Variants in KDM4C observed in about 807,000 individuals in gnomAD.
KDM4C encodes the protein lysine-specific demethylase 4C.
Under a neutral mutation model 129.3 loss-of-function variants are expected in KDM4C, and 81 were observed. The observed-to-expected ratio is 0.63, with a 90% CI of 0.52 to 0.75. The LOEUF is 0.75. KDM4C is among the 30% of genes least tolerant of loss of function. The probability of loss-of-function intolerance (pLI) is 0.00; values close to 1 mark genes in which losing one functional copy is unlikely to be tolerated. For missense variants in KDM4C, 1,457 were observed against 1,304.0 expected, an observed-to-expected ratio of 1.12 and a Z score of -1.81; for synonymous variants, 573 against 456.1, an observed-to-expected ratio of 1.26 and a Z score of -3.26.
At chr9:7,052,864 A>AGAGAGAGAGAGAGAGAGG (rs1564049351) in intron 17 of KDM4C, among the ~76,000 whole-genome samples, 1 of 2,604 alleles carries the variant, frequency 3.8e-4, no homozygotes, top group Non-Finnish European at 8.7e-4. Context: ...CCACACCTGC[A>AGAGAGAGAGAGAGAGAGG]GAGAGAGAGA....
intron 17 of KDM4C, among the ~76,000 whole-genome samples, chr9:7,075,228 G>C (rs982333730): frequency 1.3e-5 from 2 of 152,130 alleles, no homozygotes; most frequent in East Asian, 1.9e-4. Context: ...AAAATGACTG[G>C]TAATCCATTC....
chr9:7,015,866 T>C lies in KDM4C; in HGVS notation c.2196T>C (p.Ile732=). 1 of 1,611,750 alleles carries C rather than the reference T, an allele frequency of 6.2e-7. No homozygotes were observed. The highest frequency in any genetic ancestry group is 1.7e-5 in the Admixed American group (1 of 59,998). The change falls in exon 15 of 22, where the codon ATT becomes ATC. Residue 732 remains isoleucine, a synonymous_variant. Transcript: ENST00000381309. ...CVRVHASCYG[I]PSHEICDGWL... ...ATTATTTTATAGGTTGTTATGGTAT[T>C]CCTTCTCATGAGATCTGTGATGGAT... is the stretch of plus-strand genomic sequence containing the variant.
intron 5 of KDM4C, among the ~76,000 whole-genome samples, chr9:6,866,023 G>C (rs1293684124): frequency 6.6e-6 from 1 of 152,064 alleles, no homozygotes; most frequent in Non-Finnish European, 1.5e-5. Context: ...AGAGTGCTGG[G>C]ATTCACCGTG....
At chr9:7,134,539 G>C (rs16925459) in intron 19 of KDM4C, among the ~76,000 whole-genome samples, 1 of 151,836 alleles carries the variant, frequency 6.6e-6, no homozygotes, top group Non-Finnish European at 1.5e-5. Context: ...ATTTTTCTAG[G>C]CATTTAATGC....
intron 7 of KDM4C, among the ~76,000 whole-genome samples, chr9:6,889,899 C>G (rs919489432): frequency 2.6e-5 from 4 of 152,200 alleles, no homozygotes; most frequent in Non-Finnish European, 5.9e-5. Flanking sequence ...CTGGCACCCT[C>G]TTTCTAGGCT....
At chr9:6,855,628 T>G (rs755856229) in intron 5 of KDM4C, among the ~76,000 whole-genome samples, 32 of 152,248 alleles carry the variant, frequency 2.1e-4, no homozygotes, top group Admixed American at 4.6e-4. Context: ...CTCCACTCTC[T>G]TCTATTCACC....
rs1284948210 is a variant in KDM4C, at chr9:6,758,063, G to T, written c.-158G>T. On this transcript the variant is annotated 5_prime_UTR_variant, in exon 1 of 22. Coordinates refer to ENST00000381309, the MANE Select transcript of KDM4C (RefSeq NM_015061.6). This position sits in a 1 kb window ranked among gnomAD's most constrained non-coding sequence, Gnocchi z 4.6. ...GCGGCGCAGTGATCGGGCGGCCGGGGTCCTGTGCGCGTGCGCAGCGAACAG... is the reference window on the plus strand; with the variant it reads ...GCGGCGCAGTGATCGGGCGGCCGGGTTCCTGTGCGCGTGCGCAGCGAACAG... 1 of 985,344 alleles carries T rather than the reference G, an allele frequency of 1.0e-6. No individual in the cohort carries two copies. Among genetic ancestry groups the T allele is most frequent in the African/African-American group, 1.7e-5 (1 of 57,236 alleles). The allele number at this position is 985,344 out of a possible 1,614,324, so 61.0% of individuals were successfully genotyped here. A position where few individuals can be genotyped will look rare whatever the true frequency, so the allele number is the denominator to read the frequency against.
chr9:7,039,883 A>G (rs1225772474), intron 15 of KDM4C, among the ~76,000 whole-genome samples: 1 of 152,030 alleles, frequency 6.6e-6, no homozygotes, highest in African/African-American at 2.4e-5. Flanking sequence ...TCAAGCTTAC[A>G]TTGTTCATGG....
chr9:6,916,763 C>T (rs894610764), intron 8 of KDM4C, among the ~76,000 whole-genome samples: 1 of 152,152 alleles, frequency 6.6e-6, no homozygotes, highest in Non-Finnish European at 1.5e-5. Flanking sequence ...TGCATACTTA[C>T]TAAGAGGATT....
intron 1 of KDM4C, among the ~76,000 whole-genome samples, chr9:6,740,342 T>A (rs975339299): frequency 2.0e-5 from 3 of 152,100 alleles, no homozygotes; most frequent in African/African-American, 7.2e-5. Flanking sequence ...CAGCTGAGAC[T>A]ACAGGCGCCC....
chr9:6,721,757 T>A (rs976632573), intron 1 of KDM4C, among the ~76,000 whole-genome samples: 68 of 151,870 alleles, frequency 4.5e-4, no homozygotes, highest in African/African-American at 1.6e-3. Context: ...CCCGGCTAAT[T>A]TTTTGTATTT....
At chr9:6,922,325 T>G (rs555950341) in intron 8 of KDM4C, among the ~76,000 whole-genome samples, 1 of 152,364 alleles carries the variant, frequency 6.6e-6, no homozygotes, top group East Asian at 1.9e-4. Context: ...AGTACTATCA[T>G]GGTTATAGTC....
At chr9:6,725,508 A>T (rs770955311) in intron 1 of KDM4C, among the ~76,000 whole-genome samples, 5 of 151,680 alleles carry the variant, frequency 3.3e-5, no homozygotes, top group Non-Finnish European at 7.4e-5. Context: ...ATTTTTTGAG[A>T]TGGAGTTTTG....
intron 17 of KDM4C, among the ~76,000 whole-genome samples, chr9:7,098,297 T>G (rs1411628194): frequency 6.6e-6 from 1 of 152,254 alleles, no homozygotes; most frequent in Non-Finnish European, 1.5e-5. Flanking sequence ...CACTGGCCTT[T>G]CCCTGCTACT....
intron 17 of KDM4C, among the ~76,000 whole-genome samples, chr9:7,075,097 A>T (rs1833743437): frequency 6.6e-6 from 1 of 152,158 alleles, no homozygotes; most frequent in South Asian, 2.1e-4. Flanking sequence ...ACCCCAGCAG[A>T]AAGCATCCCA....
At chr9:7,145,335 A>G (rs1179025588) in intron 19 of KDM4C, among the ~76,000 whole-genome samples, 1 of 152,164 alleles carries the variant, frequency 6.6e-6, no homozygotes, top group Non-Finnish European at 1.5e-5. Flanking sequence ...AGCCTTGCCC[A>G]TACTTCTAAT....
chr9:6,974,392 C>G (rs891079816), intron 8 of KDM4C, among the ~76,000 whole-genome samples: 1 of 152,194 alleles, frequency 6.6e-6, no homozygotes, highest in Admixed American at 6.5e-5. Flanking sequence ...CGGAGTCTTA[C>G]TCTGTCGTCC....
At chr9:6,759,641 A>G (rs1818983852) in intron 1 of KDM4C, among the ~76,000 whole-genome samples, 1 of 152,188 alleles carries the variant, frequency 6.6e-6, no homozygotes. Context: ...AACAGACTTT[A>G]GTCAGTTGCT....
intron 14 of KDM4C, among the ~76,000 whole-genome samples, chr9:7,014,780 T>C (rs1473791364): frequency 6.6e-6 from 1 of 152,130 alleles, no homozygotes; most frequent in African/African-American, 2.4e-5. Context: ...AATTCCTTTG[T>C]ATTAGGGTTG....
Sources: allele counts gnomAD v4.1 joint callset (sites outside exome capture counted in the v4.1 genomes callset), GRCh38; gene constraint gnomAD v4.1.1; non-coding constraint Gnocchi (gnomAD v3.1); transcripts MANE v1.5; gene names NCBI Gene and HGNC (gene_info 2026-07-23, HGNC 2026-07-21).